GSE1: variants seen among roughly 807,000 people sequenced by gnomAD.
GSE1 encodes the protein Gse1 coiled-coil protein.
Under a neutral mutation model 112.6 loss-of-function variants are expected in GSE1, and 32 were observed. The observed-to-expected ratio is 0.28, with a 90% CI of 0.21 to 0.38. The LOEUF (loss-of-function observed/expected upper bound fraction) is 0.38, where lower values mean the gene tolerates loss of function less well. Ranked by LOEUF, GSE1 falls within the 10% of genes least tolerant of loss-of-function variation. The pLI, the probability that GSE1 is intolerant of heterozygous loss-of-function variation, is 1.00. For synonymous variants in GSE1, 1,115 were observed against 735.6 expected (o/e 1.52, Z -8.35); for missense variants, 2,348 against 1,699.2 (o/e 1.38, Z -6.71).
intron 2 of GSE1, among the ~76,000 whole-genome samples, chr16:85,499,138 A>G (rs2051277395): frequency 6.7e-6 from 1 of 148,454 alleles, no homozygotes; most frequent in African/African-American, 2.5e-5. Context: ...CCTGAGTATG[A>G]GTAGGACTCT....
intron 1 of GSE1, among the ~76,000 whole-genome samples, chr16:85,220,243 T>G (rs551428811): frequency 2.0e-4 from 31 of 152,340 alleles, no homozygotes; most frequent in African/African-American, 5.8e-4. Flanking sequence ...AGTGGGTGGC[T>G]GTGAAAATGG....
chr16:85,590,943 A>G (rs2046978376), intron 1 of GSE1, among the ~76,000 whole-genome samples: 1 of 151,568 alleles, frequency 6.6e-6, no homozygotes, highest in Non-Finnish European at 1.5e-5. Flanking sequence ...GGTGGGGGGG[A>G]CCAGACGTGC....
intron 2 of GSE1, among the ~76,000 whole-genome samples, chr16:85,640,765 C>T (rs923461514): frequency 1.3e-5 from 2 of 152,256 alleles, no homozygotes; most frequent in African/African-American, 4.8e-5. Flanking sequence ...AGGAAGGATC[C>T]CGCCTGGCAG....
intron 1 of GSE1, among the ~76,000 whole-genome samples, chr16:85,597,674 T>C (rs1468887393): frequency 6.6e-6 from 1 of 152,144 alleles, no homozygotes; most frequent in Non-Finnish European, 1.5e-5. Context: ...TTTCGCCATG[T>C]TGCCTAGACT....
chr16:85,216,142 G>A (rs1043441503), intron 1 of GSE1, among the ~76,000 whole-genome samples: 2 of 152,192 alleles, frequency 1.3e-5, no homozygotes, highest in Non-Finnish European at 2.9e-5. Flanking sequence ...CTTCTCTCTC[G>A]TTCTTCCACC....
chr16:85,635,352 G>T (rs759771463), intron 2 of GSE1, among the ~76,000 whole-genome samples: 7 of 152,148 alleles, frequency 4.6e-5, no homozygotes, highest in African/African-American at 1.7e-4. Context: ...AGGCAGGACC[G>T]CCAGAAAACC....
At chr16:85,193,973 G>A (rs901865675) in intron 1 of GSE1, among the ~76,000 whole-genome samples, 9 of 152,086 alleles carry the variant, frequency 5.9e-5, no homozygotes, top group East Asian at 3.9e-4. Flanking sequence ...GTGTGTGCGC[G>A]CGCGTGTTTG....
intron 2 of GSE1, among the ~76,000 whole-genome samples, chr16:85,382,543 A>T (rs1482642628): frequency 6.6e-6 from 1 of 152,164 alleles, no homozygotes; most frequent in African/African-American, 2.4e-5. Context: ...GAGACAGCAG[A>T]GCCCTTGAAA....
upstream of GSE1, among the ~76,000 whole-genome samples, chr16:85,608,144 T>C (rs2047793810): frequency 6.6e-6 from 1 of 152,128 alleles, no homozygotes; most frequent in Non-Finnish European, 1.5e-5. Flanking sequence ...TGGGGAGGAT[T>C]TCTGGGCCAG....
chr16:85,392,190 G>A (rs772478646), intron 2 of GSE1, among the ~76,000 whole-genome samples: 1 of 152,064 alleles, frequency 6.6e-6, no homozygotes, highest in Admixed American at 6.6e-5. Flanking sequence ...TATAAATAAT[G>A]ATAACAGAAC....
At chr16:85,555,637 C>G, upstream of GSE1, 3 of 970,384 alleles carry the variant, frequency 3.1e-6, no homozygotes, top group Non-Finnish European at 3.7e-6. Flanking sequence ...AAAACAAAGC[C>G]GATTTCTCCT....
intron 1 of GSE1, among the ~76,000 whole-genome samples, chr16:85,245,636 A>G (rs1216467779): frequency 6.6e-6 from 1 of 152,202 alleles, no homozygotes. Context: ...TAAACGTTTT[A>G]ACTCTTAAAA....
At chr16:85,463,506 A>G (rs1257785194) in intron 2 of GSE1, among the ~76,000 whole-genome samples, 2 of 152,212 alleles carry the variant, frequency 1.3e-5, no homozygotes, top group Middle Eastern at 3.4e-3. Flanking sequence ...GGTGGGTCCA[A>G]CCCTGGCAGG....
At chr16:85,525,147 G>A (rs970240571) in intron 2 of GSE1, among the ~76,000 whole-genome samples, 6 of 152,176 alleles carry the variant, frequency 3.9e-5, no homozygotes, top group Admixed American at 3.3e-4. Flanking sequence ...AGTGGGCCAG[G>A]GGGTAACTGG....
intron 2 of GSE1, among the ~76,000 whole-genome samples, chr16:85,395,139 T>A (rs886813429): frequency 2.2e-4 from 33 of 151,950 alleles, no homozygotes; most frequent in African/African-American, 8.0e-4. Context: ...GGAGGAAGGA[T>A]GGTCTGGGGC....
chr16:85,357,932 C>T (rs1354964293), intron 2 of GSE1, among the ~76,000 whole-genome samples: 1 of 152,132 alleles, frequency 6.6e-6, no homozygotes, highest in Non-Finnish European at 1.5e-5. Context: ...ACTCTCTTGT[C>T]TTCATTCATT....
At chr16:85,307,748 T>C (rs2045720835) in intron 1 of GSE1, among the ~76,000 whole-genome samples, 1 of 152,184 alleles carries the variant, frequency 6.6e-6, no homozygotes, top group Non-Finnish European at 1.5e-5. Flanking sequence ...TGATGCCCTG[T>C]GGTTCAAGGC....
Position 85,215,564 on chromosome 16 carries a change from T to A in GSE1, c.2283+43757T>A, listed in dbSNP as rs550889377. Among the ~76,000 whole-genome samples the A allele has an allele frequency of 5.9e-5, 9 of 152,242 alleles. 1 individual carries two copies. In the Middle Eastern group the frequency reaches 0.014, roughly 230 times the overall value. On this transcript the variant is annotated intron_variant, in intron 1 of 2. Coordinates refer to the GSE1 transcript ENST00000637419. ...CCAAAAGCAATTGAAATAAACATTT[T>A]AAAAAATAATAATATCTGCCTTATA... is the stretch of plus-strand genomic sequence containing the variant.
chr16:85,611,501 G>A (rs1313409022), upstream of GSE1: 3 of 984,502 alleles, frequency 3.0e-6, no homozygotes, highest in East Asian at 2.3e-4. Context: ...CAGCACCCCC[G>A]CGCCGTGCCA....
Sources: allele counts gnomAD v4.1 joint callset (sites outside exome capture counted in the v4.1 genomes callset), GRCh38; gene constraint gnomAD v4.1.1; transcripts MANE v1.5; gene names NCBI Gene and HGNC (gene_info 2026-07-23, HGNC 2026-07-21).